The following AHI1 variants were observed in gnomAD, a reference collection of about 807,000 sequenced individuals.
The protein encoded by AHI1 is jouberin.
AHI1 carries 123 observed loss-of-function variants against 149.3 expected under a neutral mutation model. That is an observed-to-expected ratio of 0.82 (90% CI 0.71 to 0.96). The LOEUF (loss-of-function observed/expected upper bound fraction) is 0.96, where lower values mean the gene tolerates loss of function less well. AHI1 is among the 40% of genes least tolerant of loss of function. AHI1 has a pLI of 0.00. For synonymous variants in AHI1, 475 were observed against 459.8 expected, an observed-to-expected ratio of 1.03 and a Z score of -0.42; for missense variants, 1,439 against 1,422.7, an observed-to-expected ratio of 1.01 and a Z score of -0.18.
intron 13 of AHI1, among the ~76,000 whole-genome samples, chr6:135,444,370 A>G (rs2128050258): frequency 6.6e-6 from 1 of 152,302 alleles, no homozygotes; most frequent in South Asian, 2.1e-4. Flanking sequence ...GACACTCCAC[A>G]ATGTGGGCCT....
At position 135,383,218 on chromosome 6, in the gene AHI1, C is replaced by T. The variant is rs544704139; in HGVS notation, c.3109+11558G>A. Among the ~76,000 whole-genome samples, 103 of 90,136 alleles carry T rather than the reference C, an allele frequency of 1.1e-3. 1 individual carries two copies. The highest frequency in any genetic ancestry group is 5.8e-3 in the African/African-American group (98 of 16,836). 59.1% of individuals were successfully genotyped at this position (90,136 alleles called of 152,430 possible). On this transcript the variant is annotated intron_variant, in intron 23 of 28. Coordinates refer to ENST00000265602, the MANE Select transcript of AHI1 (RefSeq NM_001134831.2). ...TTATGATTGATTGATTCCTTCCTTC[C>T]CCCCTCCCTTTTTTTTTTTTTTTTT...
chr6:135,356,277 T>C (rs572873201), intron 24 of AHI1, among the ~76,000 whole-genome samples: 66 of 152,314 alleles, frequency 4.3e-4, no homozygotes, highest in African/African-American at 1.6e-3. Flanking sequence ...ACTTTGATAA[T>C]TTTTAGACTC....
chr6:135,372,489 C>T (rs1186456323), intron 23 of AHI1, among the ~76,000 whole-genome samples: 1 of 147,152 alleles, frequency 6.8e-6, no homozygotes, highest in African/African-American at 2.5e-5. Flanking sequence ...GGCAACATAG[C>T]GAGACCCTGT....
rs1776025303 is a variant in AHI1 at position 135,376,921 on chromosome 6, A to AAAAG, written c.3109+17854_3109+17855insCTTT. Among the ~76,000 whole-genome samples, 16 of 128,798 alleles carry AAAAG rather than the reference A, an allele frequency of 1.2e-4. 1 individual carries two copies. Among genetic ancestry groups the AAAAG allele is most frequent in the African/African-American group, 4.6e-4 (16 of 35,118 alleles). The allele number at this position is 128,798 out of a possible 152,430, so 84.5% of individuals were successfully genotyped here. A position where few individuals can be genotyped will look rare whatever the true frequency, so the allele number is the denominator to read the frequency against. On this transcript the variant is annotated intron_variant, in intron 23 of 28. Coordinates refer to ENST00000265602, the MANE Select transcript of AHI1 (RefSeq NM_001134831.2). ...AAAAAAAAAAAAAAAAAAAAAAAAA[A>AAAAG]GTTGGTCCAGTTTGACTCAAAAGTC...
intron 23 of AHI1, among the ~76,000 whole-genome samples, chr6:135,383,225 C>CTTTTTTTTTTTTT (rs1237358406): frequency 1.7e-5 from 1 of 58,762 alleles, no homozygotes; most frequent in Admixed American, 1.7e-4. Context: ...TTCCCCCCTC[C>CTTTTTTTTTTTTT]CTTTTTTTTT....
intron 24 of AHI1, among the ~76,000 whole-genome samples, chr6:135,326,546 A>G (rs918707004): frequency 1.2e-4 from 18 of 151,984 alleles, no homozygotes; most frequent in African/African-American, 3.9e-4. Context: ...TAAATAGTAT[A>G]CACTGTACCC....
intron 6 of AHI1, among the ~76,000 whole-genome samples, chr6:135,467,057 G>A (rs967889833): frequency 6.6e-6 from 1 of 152,158 alleles, no homozygotes; most frequent in African/African-American, 2.4e-5. Context: ...CGAGGAGCTG[G>A]GATGAACAGC....
chr6:135,487,541 T>A (rs1031370642), intron 5 of AHI1, among the ~76,000 whole-genome samples: 1 of 152,168 alleles, frequency 6.6e-6, no homozygotes, highest in Non-Finnish European at 1.5e-5. Flanking sequence ...ATCAAAAAAA[T>A]TTTTAACTGA....
chr6:135,364,915 A>G (rs1301155572), intron 23 of AHI1, among the ~76,000 whole-genome samples: 1 of 150,582 alleles, frequency 6.6e-6, no homozygotes, highest in Non-Finnish European at 1.5e-5. Flanking sequence ...TGGGGAGAGG[A>G]AGAGGAAGAG....
At chr6:135,491,865 T>C (rs1489224449) in intron 4 of AHI1, among the ~76,000 whole-genome samples, 4 of 152,210 alleles carry the variant, frequency 2.6e-5, no homozygotes, top group Non-Finnish European at 5.9e-5. Context: ...TGAGCAGTTA[T>C]AGCAGAGACT....
At chr6:135,398,905 C>T (rs1287792482) in intron 22 of AHI1, among the ~76,000 whole-genome samples, 1 of 152,152 alleles carries the variant, frequency 6.6e-6, no homozygotes, top group African/African-American at 2.4e-5. Context: ...ACCTTCAGGC[C>T]AGGCCCAACG....
At chr6:135,291,440 GA>G (rs35431448) in intron 27 of AHI1, among the ~76,000 whole-genome samples, 6,526 of 152,218 alleles carry the variant, frequency 0.043, 446 homozygotes, top group African/African-American at 0.14. Context: ...TTAGAAGATG[GA>G]AAGATGAAAC....
At chr6:135,468,134 A>G (rs1015636384) in intron 5 of AHI1, among the ~76,000 whole-genome samples, 1 of 151,968 alleles carries the variant, frequency 6.6e-6, no homozygotes, top group African/African-American at 2.4e-5. Context: ...CAACTCTAAG[A>G]CTCTTTTGCT....
intron 4 of AHI1, 125 bp from the exon 5 acceptor site, chr6:135,490,872 A>G (rs1795162758): frequency 1.7e-6 from 2 of 1,147,740 alleles, no homozygotes; most frequent in East Asian, 4.9e-5. Flanking sequence ...ACATTAGAAA[A>G]ACTCACCTAT....
At chr6:135,394,731 C>G (rs371370713) in intron 23 of AHI1, 45 bp downstream of exon 23, 1 of 1,603,088 alleles carries the variant, frequency 6.2e-7, no homozygotes, top group African/African-American at 1.3e-5. Context: ...ACACAACAAG[C>G]ATCTGAACAT....
intron 24 of AHI1, among the ~76,000 whole-genome samples, chr6:135,340,654 C>CATATATATATAT (rs1290327693): frequency 5.1e-5 from 3 of 58,566 alleles, no homozygotes; most frequent in Non-Finnish European, 7.7e-5. Context: ...TATATACATA[C>CATATATATATAT]ATACATATAT....
intron 26 of AHI1, chr6:135,302,010 G>C: frequency 1.0e-6 from 1 of 981,520 alleles, no homozygotes; most frequent in Non-Finnish European, 1.2e-6. Flanking sequence ...TTTTTTTTAA[G>C]AGATTGGGTC....
intron 11 of AHI1, among the ~76,000 whole-genome samples, chr6:135,449,859 T>C (rs952723918): frequency 6.6e-6 from 1 of 152,226 alleles, no homozygotes; most frequent in African/African-American, 2.4e-5. Context: ...TTTAATTATA[T>C]TTAATTTGAA....
chr6:135,323,074 G>C, intron 25 of AHI1, 88 bp downstream of exon 25: 1 of 1,364,888 alleles, frequency 7.3e-7, no homozygotes, highest in Non-Finnish European at 9.8e-7. Flanking sequence ...AGGTTACAAA[G>C]ACAGTAAATT....
Sources: gnomAD v4.1 joint callset for allele counts (sites outside exome capture counted in the v4.1 genomes callset) on GRCh38, gnomAD v4.1.1 for gene constraint, MANE v1.5 for transcripts, NCBI Gene and HGNC (gene_info 2026-07-23, HGNC 2026-07-21) for gene names.